Variants in EDIL3 observed in about 807,000 individuals in gnomAD.
EDIL3 encodes EGF like and discoidin domains 3.
In EDIL3, 37 loss-of-function variants were observed where a neutral mutation model predicts 67.4. The observed-to-expected ratio is 0.55, with a 90% CI of 0.42 to 0.72. The LOEUF is 0.72. Ranked by LOEUF, EDIL3 falls within the 30% of genes least tolerant of loss-of-function variation. The pLI, the probability that EDIL3 is intolerant of heterozygous loss-of-function variation, is 0.00. For synonymous variants in EDIL3, 195 were observed against 196.3 expected (o/e 0.99, Z 0.05); for missense variants, 527 against 586.3 (o/e 0.90, Z 1.04).
chr5:83,943,579 A>C lies in EDIL3; in HGVS notation c.1294-11T>G. ...ATTTCCCTGGAAAACCTAATAAAGA[A>C]GAGCAGAAAAATGTCAGTCACACAG... On this transcript the variant is annotated splice_polypyrimidine_tract_variant and intron_variant, in intron 10 of 10. Transcript: ENST00000296591. The C allele has an allele frequency of 1.9e-6, 3 of 1,611,316 alleles. No individual in the cohort carries two copies. The highest frequency in any genetic ancestry group is 2.5e-6 in the Non-Finnish European group (3 of 1,178,368).
intron 1 of EDIL3, among the ~76,000 whole-genome samples, chr5:84,257,510 T>C (rs550735291): frequency 3.4e-4 from 52 of 152,276 alleles, no homozygotes; most frequent in Admixed American, 2.8e-3. Context: ...GAGAAACATG[T>C]ACAAGGTAGA....
intron 8 of EDIL3, 44 bp from the exon 9 acceptor site, chr5:84,060,528 AC>A (rs746044474): frequency 2.4e-5 from 38 of 1,602,098 alleles, no homozygotes; most frequent in Non-Finnish European, 3.2e-5. Flanking sequence ...ATAATTGATC[AC>A]CTGGAACTTT....
intron 5 of EDIL3, among the ~76,000 whole-genome samples, chr5:84,124,932 A>G (rs1364241463): frequency 6.6e-6 from 1 of 152,016 alleles, no homozygotes; most frequent in Non-Finnish European, 1.5e-5. Flanking sequence ...TTATAAACTG[A>G]CTGCTTTCTT....
Position 84,231,075 on chromosome 5 carries a change from G to C in EDIL3, c.197-1191C>G, listed in dbSNP as rs571553603. On this transcript the variant is annotated intron_variant, in intron 2 of 10. Coordinates refer to ENST00000296591, the MANE Select transcript of EDIL3 (RefSeq NM_005711.5). ...CCAATTAAGTCAGAATCTTTACATG[G>C]TATTAACTTGTAGCCAGGATTGAGG... 6.6e-5 allele frequency among the ~76,000 whole-genome samples: 10 copies of C among 152,224 alleles called. No homozygotes were observed. In the South Asian group the frequency reaches 2.1e-3, roughly 32 times the overall value.
chr5:84,222,758 TA>T (rs1744367201), intron 3 of EDIL3, among the ~76,000 whole-genome samples: 1 of 124,084 alleles, frequency 8.1e-6, no homozygotes, highest in African/African-American at 3.2e-5. Context: ...ATCATACATC[TA>T]TTCGCCATTC....
intron 1 of EDIL3, 126 bp downstream of exon 1, chr5:84,384,182 C>T: frequency 8.1e-7 from 1 of 1,231,204 alleles, no homozygotes; most frequent in Non-Finnish European, 1.1e-6. Context: ...GACGCCTCCT[C>T]CGCGCCGCCA....
chr5:84,124,775 G>A (rs1289497070), intron 5 of EDIL3, among the ~76,000 whole-genome samples: 3 of 151,870 alleles, frequency 2.0e-5, no homozygotes, highest in Admixed American at 1.3e-4. Flanking sequence ...GTAGTGTTTT[G>A]CATAATGAAT....
chr5:84,300,933 TACAC>T (rs5869219), intron 1 of EDIL3, among the ~76,000 whole-genome samples: 1 of 149,592 alleles, frequency 6.7e-6, no homozygotes, highest in Admixed American at 6.7e-5. Context: ...CACAGACACA[TACAC>T]ACACACACAC....
intron 4 of EDIL3, among the ~76,000 whole-genome samples, chr5:84,158,877 G>T (rs1244071740): frequency 6.6e-6 from 1 of 151,964 alleles, no homozygotes; most frequent in Non-Finnish European, 1.5e-5. Context: ...TGGTGTTGCA[G>T]TTCCATTCTC....
chr5:84,383,412 G>C (rs934806029), intron 1 of EDIL3, among the ~76,000 whole-genome samples: 15 of 152,324 alleles, frequency 9.8e-5, no homozygotes, highest in Admixed American at 9.1e-4. Flanking sequence ...TACTCCAGCA[G>C]GACACTCGTC....
intron 9 of EDIL3, among the ~76,000 whole-genome samples, chr5:84,052,239 CT>C (rs972304927): frequency 6.6e-6 from 1 of 152,132 alleles, no homozygotes; most frequent in African/African-American, 2.4e-5. Flanking sequence ...AAATAAAATC[CT>C]TTACAGACAA....
At chr5:84,006,426 G>A (rs1392972443) in intron 9 of EDIL3, among the ~76,000 whole-genome samples, 5 of 151,968 alleles carry the variant, frequency 3.3e-5, no homozygotes, top group African/African-American at 1.2e-4. Context: ...TATGGTTGGG[G>A]CTGGAGGCCA....
chr5:83,981,406 T>G (rs1028358590), intron 9 of EDIL3, among the ~76,000 whole-genome samples: 13 of 152,104 alleles, frequency 8.5e-5, no homozygotes, highest in African/African-American at 3.1e-4. Context: ...ATTATATCAT[T>G]CTCTGTGTAT....
At chr5:84,069,487 G>A (rs945787376) in intron 6 of EDIL3, among the ~76,000 whole-genome samples, 5 of 152,052 alleles carry the variant, frequency 3.3e-5, no homozygotes, top group Admixed American at 6.5e-5. Context: ...TATGATATGT[G>A]CATGTAAAAC....
intron 1 of EDIL3, among the ~76,000 whole-genome samples, chr5:84,299,410 A>G (rs1746112209): frequency 6.6e-6 from 1 of 152,124 alleles, no homozygotes; most frequent in South Asian, 2.1e-4. Flanking sequence ...GCAAGTATAA[A>G]ACTCTGAAAA....
chr5:84,322,559 C>T (rs1200178185), intron 1 of EDIL3, among the ~76,000 whole-genome samples: 1 of 151,942 alleles, frequency 6.6e-6, no homozygotes, highest in African/African-American at 2.4e-5. Flanking sequence ...GAAAGGTGAA[C>T]AGAACCTATG....
chr5:84,106,505 C>T, intron 6 of EDIL3, 144 bp downstream of exon 6: 26 of 943,736 alleles, frequency 2.8e-5, no homozygotes, highest in Non-Finnish European at 3.8e-5. Context: ...GAATTGGGAG[C>T]TAATTTGAAC....
At chr5:84,147,024 C>T (rs1422759012) in intron 4 of EDIL3, among the ~76,000 whole-genome samples, 2 of 152,096 alleles carry the variant, frequency 1.3e-5, no homozygotes, top group African/African-American at 4.8e-5. Context: ...CATTCAAACC[C>T]TCCCCTACAC....
At chr5:84,232,648 A>G (rs1261183509) in intron 2 of EDIL3, among the ~76,000 whole-genome samples, 1 of 152,192 alleles carries the variant, frequency 6.6e-6, no homozygotes, top group Admixed American at 6.5e-5. Context: ...CAAATACACA[A>G]CTTTGCAAAG....
Sources: allele counts gnomAD v4.1 joint callset (sites outside exome capture counted in the v4.1 genomes callset), GRCh38; gene constraint gnomAD v4.1.1; transcripts MANE v1.5; gene names NCBI Gene and HGNC (gene_info 2026-07-23, HGNC 2026-07-21).